The following ZBTB20 variants were observed in gnomAD, a reference collection of about 807,000 sequenced individuals.
ZBTB20 encodes the protein zinc finger and BTB domain containing 20, also known as zinc finger and BTB domain-containing protein 20.
A neutral mutation model predicts 56.9 loss-of-function variants in ZBTB20; 9 were observed. That is an observed-to-expected ratio of 0.16 (90% CI 0.10 to 0.28). The LOEUF is 0.28. Among genes scored for constraint, ZBTB20 ranks in the 10% least tolerant of loss-of-function variants. ZBTB20 has a pLI of 1.00. For synonymous variants in ZBTB20, 417 were observed against 420.7 expected (o/e 0.99, Z 0.11); for missense variants, 655 against 1,003.0 (o/e 0.65, Z 4.69).
chr3:114,868,732 T>C (rs1029119912), intron 4 of ZBTB20, among the ~76,000 whole-genome samples: 1 of 152,220 alleles, frequency 6.6e-6, no homozygotes, highest in Admixed American at 6.5e-5. Context: ...CAAATTATTA[T>C]CTTGCATTAG....
intron 6 of ZBTB20, chr3:114,527,455 C>A (rs1043705776): frequency 6.6e-6 from 1 of 152,184 alleles, no homozygotes; most frequent in African/African-American, 2.4e-5. Context: ...ACTCACACAT[C>A]CAGATACTGC....
At chr3:114,439,744 TA>T in intron 7 of ZBTB20, among the ~76,000 whole-genome samples, 1 of 152,300 alleles carries the variant, frequency 6.6e-6, no homozygotes, top group East Asian at 1.9e-4. Context: ...GGTTGAAACT[TA>T]ATTCCGTCCT....
At chr3:115,062,829 T>G (rs954640949) in intron 2 of ZBTB20, among the ~76,000 whole-genome samples, 1 of 152,160 alleles carries the variant, frequency 6.6e-6, no homozygotes. Flanking sequence ...TGAGAATAGA[T>G]GCACTAGCCA....
intron 7 of ZBTB20, among the ~76,000 whole-genome samples, chr3:114,437,451 G>C (rs188784071): frequency 6.6e-6 from 1 of 152,004 alleles, no homozygotes; most frequent in Non-Finnish European, 1.5e-5. Flanking sequence ...TCCTTTCCTA[G>C]AGCAGGGAGG....
chr3:114,660,451 TG>T, intron 6 of ZBTB20, among the ~76,000 whole-genome samples: 1 of 152,182 alleles, frequency 6.6e-6, no homozygotes. Flanking sequence ...CTACCTGCCA[TG>T]GGCTTCTAGC....
intron 6 of ZBTB20, among the ~76,000 whole-genome samples, chr3:114,635,241 T>A (rs1198562763): frequency 6.6e-6 from 1 of 152,026 alleles, no homozygotes; most frequent in Non-Finnish European, 1.5e-5. Flanking sequence ...AGGAAAGAAG[T>A]GTAAAGGGCC....
intron 2 of ZBTB20, among the ~76,000 whole-genome samples, chr3:115,035,534 GCTA>G (rs1451157804): frequency 2.8e-5 from 4 of 145,144 alleles, no homozygotes; most frequent in African/African-American, 5.6e-5. Context: ...AATTAGAATT[GCTA>G]CTATCAAACA....
intron 1 of ZBTB20, among the ~76,000 whole-genome samples, chr3:115,117,401 T>C (rs751724990): frequency 4.6e-5 from 7 of 152,168 alleles, no homozygotes; most frequent in Admixed American, 2.0e-4. Context: ...TCCAGCTACA[T>C]AGAACTCACC....
At chr3:114,917,369 A>T (rs2075786041) in intron 3 of ZBTB20, among the ~76,000 whole-genome samples, 1 of 152,110 alleles carries the variant, frequency 6.6e-6, no homozygotes, top group Non-Finnish European at 1.5e-5. Context: ...TTGGTGCCTT[A>T]TTTAGATTGC....
intron 6 of ZBTB20, among the ~76,000 whole-genome samples, chr3:114,569,384 C>T (rs986026792): frequency 2.0e-5 from 3 of 152,220 alleles, no homozygotes; most frequent in African/African-American, 7.2e-5. Context: ...AATCAGGAAA[C>T]TCAAGTTTTA....
At chr3:114,662,410 G>A (rs201883240) in intron 6 of ZBTB20, among the ~76,000 whole-genome samples, 4,332 of 143,626 alleles carry the variant, frequency 0.03, 257 homozygotes, top group Admixed American at 0.14. Flanking sequence ...AGTCCTTTGG[G>A]TATATACCCA....
At chr3:114,768,585 G>A (rs74745141) in intron 5 of ZBTB20, among the ~76,000 whole-genome samples, 5,217 of 152,158 alleles carry the variant, frequency 0.034, 144 homozygotes, top group African/African-American at 0.07. Flanking sequence ...TGTTTTAATG[G>A]CTATATGTAA....
chr3:114,435,224 A>T (rs1015455284), intron 7 of ZBTB20, among the ~76,000 whole-genome samples: 2 of 152,216 alleles, frequency 1.3e-5, no homozygotes, highest in Middle Eastern at 3.4e-3. Context: ...ATTGGAAAAT[A>T]ATTAACTCTT....
intron 2 of ZBTB20, among the ~76,000 whole-genome samples, chr3:115,035,476 C>A (rs778853914): frequency 1.6e-4 from 25 of 151,960 alleles, no homozygotes; most frequent in Non-Finnish European, 2.4e-4. Flanking sequence ...CATGACTAAT[C>A]ATTTGGGAAA....
rs377036261 is a variant in ZBTB20 at position 114,903,266 on chromosome 3, C to T, written c.-455-2924G>A. Among the ~76,000 whole-genome samples, 392 of 152,152 alleles carry T rather than the reference C, an allele frequency of 2.6e-3. 1 individual carries two copies. Among genetic ancestry groups the T allele is most frequent in the African/African-American group, 9.0e-3 (375 of 41,546 alleles). ...TGTAAAATGGTGATCATGTTACTCACCCTACGAGGTTGTCTATGCAGGTTA... is the reference window on the plus strand; with the variant it reads ...TGTAAAATGGTGATCATGTTACTCATCCTACGAGGTTGTCTATGCAGGTTA... On this transcript the variant is annotated intron_variant, in intron 3 of 11. Transcript: ENST00000675478.
chr3:114,587,829 G>A (rs2055339590), intron 6 of ZBTB20, among the ~76,000 whole-genome samples: 1 of 152,136 alleles, frequency 6.6e-6, no homozygotes, highest in Admixed American at 6.5e-5. Flanking sequence ...GATACAAAAG[G>A]GCCAGTGAGA....
intron 6 of ZBTB20, among the ~76,000 whole-genome samples, chr3:114,504,882 T>C (rs1398007525): frequency 4.6e-5 from 7 of 152,190 alleles, no homozygotes; most frequent in Admixed American, 1.3e-4. Flanking sequence ...GCTCAGATCA[T>C]ACCGCTGCTG....
chr3:114,756,211 CA>C (rs1237078048), intron 5 of ZBTB20, among the ~76,000 whole-genome samples: 1 of 152,048 alleles, frequency 6.6e-6, no homozygotes. Context: ...ATTTACATCG[CA>C]TGTACTCAAA....
intron 4 of ZBTB20, among the ~76,000 whole-genome samples, chr3:114,811,713 C>T (rs192367747): frequency 3.3e-5 from 5 of 152,146 alleles, no homozygotes; most frequent in African/African-American, 1.2e-4. Context: ...TCTAGGAACC[C>T]GTAATAGTAA....
Sources: gnomAD v4.1 joint callset for allele counts (sites outside exome capture counted in the v4.1 genomes callset) on GRCh38, gnomAD v4.1.1 for gene constraint, MANE v1.5 for transcripts, NCBI Gene and HGNC (gene_info 2026-07-23, HGNC 2026-07-21) for gene names.